The following SLC17A7 variants were observed in gnomAD, a reference collection of about 807,000 sequenced individuals.
The protein encoded by SLC17A7 is vesicular glutamate transporter 1.
In SLC17A7, 15 loss-of-function variants were observed where a neutral mutation model predicts 59.1. That is an observed-to-expected ratio of 0.25 (90% confidence interval 0.17 to 0.39). The LOEUF (loss-of-function observed/expected upper bound fraction) is 0.39. Among genes scored for constraint, SLC17A7 ranks in the 10% least tolerant of loss-of-function variants. The pLI, the probability that SLC17A7 is intolerant of heterozygous loss-of-function variation, is 1.00. For synonymous variants in SLC17A7, 353 were observed against 308.9 expected (o/e 1.14, Z -1.50); for missense variants, 499 against 765.1 (o/e 0.65, Z 4.10).
chr19:49,434,999 T>C, intron 3 of SLC17A7, 117 bp from the exon 4 acceptor site: 1 of 1,079,380 alleles, frequency 9.3e-7, no homozygotes, highest in Non-Finnish European at 1.4e-6. Context: ...TCCCACCACC[T>C]CTCTGACTTA....
chr19:49,436,415 G>T lies in SLC17A7; in HGVS notation c.315+134C>A. The stretch of plus-strand genomic sequence containing the variant: ...GTCAGAACTAAGGGGCGCACGGATT[G>T]GGCGGAGCTATTCCGACAGCGTTTC... On this transcript the variant is annotated intron_variant, in intron 2 of 11. Transcript: ENST00000221485. This position sits in a 1 kb window ranked among gnomAD's most constrained non-coding sequence, Gnocchi z 4.1. 8.3e-7 allele frequency: 1 copy of T among 1,210,018 alleles called. No homozygotes were observed. Among genetic ancestry groups the T allele is most frequent in the Non-Finnish European group, 1.2e-6 (1 of 866,956 alleles). The allele number at this position is 1,210,018 out of a possible 1,614,324, so 75.0% of individuals were successfully genotyped here. A position where few individuals can be genotyped will look rare whatever the true frequency, so the allele number is the denominator to read the frequency against.
intron 1 of SLC17A7, 98 bp downstream of exon 1, chr19:49,441,219 CG>C: frequency 1.3e-6 from 2 of 1,533,140 alleles, no homozygotes. Context: ...ACCCCCATGC[CG>C]GGGTATCGCC....
intron 9 of SLC17A7, among the ~76,000 whole-genome samples, chr19:49,432,056 C>T (rs1166716438): frequency 6.6e-6 from 1 of 152,200 alleles, no homozygotes; most frequent in Non-Finnish European, 1.5e-5. Flanking sequence ...GTTCTGGGCT[C>T]CAGCGATCCT....
chr19:49,435,023 C>A (rs2078975012), intron 3 of SLC17A7, 141 bp from the exon 4 acceptor site: 1 of 1,005,368 alleles, frequency 9.9e-7, no homozygotes, highest in Non-Finnish European at 1.5e-6. Flanking sequence ...CTTCCTCAAT[C>A]GCAAGCCCCA....
intron 1 of SLC17A7, among the ~76,000 whole-genome samples, 185 bp downstream of exon 1, chr19:49,441,133 C>G (rs922054877): frequency 1.3e-5 from 2 of 152,052 alleles, no homozygotes; most frequent in Non-Finnish European, 2.9e-5. Flanking sequence ...GAAAAAGGAA[C>G]AGGATAATGG....
chr19:49,440,382 G>C (rs2078995652), intron 1 of SLC17A7, among the ~76,000 whole-genome samples: 1 of 152,316 alleles, frequency 6.6e-6, no homozygotes, highest in African/African-American at 2.4e-5. Flanking sequence ...TTCCGCAGCT[G>C]AGTAATTTAT....
chr19:49,430,646 C>A lies in SLC17A7; in HGVS notation c.1556G>T (p.Ser519Ile). The A allele has an allele frequency of 6.2e-7, 1 of 1,614,120 alleles. No homozygotes were observed. The highest frequency in any genetic ancestry group is 8.5e-7 in the Non-Finnish European group (1 of 1,180,006). The change falls in exon 12 of 12, where the codon AGT becomes ATT. Residue 519 changes from serine to isoleucine, a missense_variant. By Grantham distance (142) the Ser-to-Ile change is moderately radical. Transcript: ENST00000221485. ...CTCATCCTCCATTTCGCTGTCGTCACTGCCAGCCAGCTGGTCATGGCCAAC... is the reference window on the plus strand; with the variant it reads ...CTCATCCTCCATTTCGCTGTCGTCAATGCCAGCCAGCTGGTCATGGCCAAC... Reference protein sequence around the residue: ...GFVGHDQLAGSDDSEMEDEAE... With the variant: ...GFVGHDQLAGIDDSEMEDEAE...
Position 49,430,845 on chromosome 19 carries a change from G to C in SLC17A7, c.1390-33C>G, listed in dbSNP as rs2078956533. 3 of 1,579,396 alleles carry C rather than the reference G, an allele frequency of 1.9e-6. No individual in the cohort carries two copies. In the East Asian group the frequency reaches 6.7e-5, roughly 35 times the overall value. Reference sequence around the variant, plus strand: ...GGACAATAGGGCTGAGGTCAAATGGGAGGACAGAGAAACAGAGGCGGAGAG... The same window carrying C: ...GGACAATAGGGCTGAGGTCAAATGGCAGGACAGAGAAACAGAGGCGGAGAG... On this transcript the variant is annotated intron_variant, in intron 11 of 11. Transcript: ENST00000221485.
At position 49,432,516 on chromosome 19, in the gene SLC17A7, C is replaced by A; in HGVS notation, c.1150+3G>T. On this transcript the variant is annotated splice_donor_region_variant and intron_variant, in intron 9 of 11. Coordinates refer to ENST00000221485, the MANE Select transcript of SLC17A7 (RefSeq NM_020309.4). ...GAGCCGGCCCAGGCCCCGCCCCACT[C>A]ACCTCCGCAGTTCATCAACTTGCGC... is the stretch of plus-strand genomic sequence containing the variant. 1 of 1,612,048 alleles carries A rather than the reference C, an allele frequency of 6.2e-7. No individual in the cohort carries two copies. Among genetic ancestry groups the A allele is most frequent in the Middle Eastern group, 1.7e-4 (1 of 6,056 alleles).
At position 49,429,689 on chromosome 19, in the gene SLC17A7, C is replaced by T. The variant is rs1406201194; in HGVS notation, c.*830G>A. On this transcript the variant is annotated 3_prime_UTR_variant, in exon 12 of 12. Coordinates refer to ENST00000221485, the MANE Select transcript of SLC17A7 (RefSeq NM_020309.4). ...CGAAACCACCCAGGAGAATAAAGTG[C>T]GAGGAATTGGGGAGGGGGCATCATG... The T allele has an allele frequency of 2.5e-6, 1 of 396,856 alleles. No homozygotes were observed. Among genetic ancestry groups the T allele is most frequent in the African/African-American group, 2.1e-5 (1 of 48,582 alleles). The allele number at this position is 396,856 out of a possible 1,614,324, so 24.6% of individuals were successfully genotyped here.
intron 4 of SLC17A7, 22 bp downstream of exon 4, chr19:49,434,746 G>C (rs775705589): frequency 6.2e-7 from 1 of 1,614,040 alleles, no homozygotes; most frequent in Non-Finnish European, 8.5e-7. Context: ...CGAGGGCAGG[G>C]TCATATCAGG....
At chr19:49,438,755 T>C (rs1184797384) in intron 1 of SLC17A7, among the ~76,000 whole-genome samples, 2 of 152,036 alleles carry the variant, frequency 1.3e-5, no homozygotes, top group South Asian at 2.1e-4. Context: ...CCAAAGAGAT[T>C]AGACTGACCC....
chr19:49,432,368 C>T, intron 9 of SLC17A7, 151 bp downstream of exon 9: 1 of 1,124,020 alleles, frequency 8.9e-7, no homozygotes, highest in Non-Finnish European at 1.2e-6. Context: ...CCTGCCCCGG[C>T]TCCACCCTGT....
At chr19:49,430,902 C>A (rs1457064273) in intron 11 of SLC17A7, 90 bp from the exon 12 acceptor site, 2 of 1,553,266 alleles carry the variant, frequency 1.3e-6, no homozygotes, top group South Asian at 1.2e-5. Flanking sequence ...GAGGCAGAGA[C>A]CCAGGGAGGC....
At chr19:49,437,655 CAGAGATCT>C (rs2078984763) in intron 1 of SLC17A7, 1 of 151,754 alleles carries the variant, frequency 6.6e-6, no homozygotes, top group South Asian at 2.1e-4. Flanking sequence ...GAAAGGGGGA[CAGAGATCT>C]AGAGAGGAAG....
Position 49,431,063 on chromosome 19 carries a change from C to G in SLC17A7, c.1341G>C (p.Leu447=). ...CGATGATGGGGCACACCATGCCCGA[C>G]AGTGTGCCCACGCCGTTGGAGATGC... ...LMGISNGVGT[L]SGMVCPIIVG... The change falls in exon 11 of 12, where the codon CTG becomes CTC. Residue 447 remains leucine (L), a synonymous_variant. Coordinates refer to ENST00000221485, the MANE Select transcript of SLC17A7 (RefSeq NM_020309.4). The surrounding 1 kb of genome is among the most constrained non-coding windows in gnomAD (Gnocchi z 4.6). The G allele has an allele frequency of 1.2e-6, 2 of 1,613,786 alleles. No individual in the cohort carries two copies. The highest frequency in any genetic ancestry group is 1.7e-6 in the Non-Finnish European group (2 of 1,179,982).
intron 1 of SLC17A7, among the ~76,000 whole-genome samples, chr19:49,439,769 G>A (rs2078992910): frequency 6.6e-6 from 1 of 152,132 alleles, no homozygotes; most frequent in Admixed American, 6.5e-5. Flanking sequence ...AGAGCCCGGG[G>A]GTCTCTGGGG....
In SLC17A7 at chr19:49,436,535, A is replaced by C; in HGVS notation, c.315+14T>G. 6.2e-7 allele frequency: 1 copy of C among 1,610,582 alleles called. No homozygotes were observed. Among genetic ancestry groups the C allele is most frequent in the Non-Finnish European group, 8.5e-7 (1 of 1,179,250 alleles). On this transcript the variant is annotated intron_variant, in intron 2 of 11. Transcript: ENST00000221485. This position sits in a 1 kb window ranked among gnomAD's most constrained non-coding sequence, Gnocchi z 4.1. ...GCGGGGCGGGGCTCTGCAAGGGCTC[A>C]GGCCTTGAGCTACCTGCACCACCAC...
In SLC17A7 at chr19:49,431,135, G is replaced by A. The variant is rs765801106; in HGVS notation, c.1269C>T (p.Asn423=). 6 of 1,613,280 alleles carry A rather than the reference G, an allele frequency of 3.7e-6. No individual in the cohort carries two copies. Among genetic ancestry groups the A allele is most frequent in the Non-Finnish European group, 4.2e-6 (5 of 1,179,588 alleles). ...GCGGGGCTATGTCCAGGTGGTTCAC[G>A]TTGAACCCTGGCGGAGAGACAAGTC... ...GFSGFAISGF[N]VNHLDIAPRY... Residue 423 remains asparagine, a synonymous_variant, in exon 11 of 12, where the codon AAC becomes AAT. Transcript: ENST00000221485. This position sits in a 1 kb window ranked among gnomAD's most constrained non-coding sequence, Gnocchi z 4.6.
Sources: allele counts gnomAD v4.1 joint callset (sites outside exome capture counted in the v4.1 genomes callset), GRCh38; gene constraint gnomAD v4.1.1; non-coding constraint Gnocchi (gnomAD v3.1); transcripts MANE v1.5; gene names NCBI Gene and HGNC (gene_info 2026-07-23, HGNC 2026-07-21).